The following DPP10 variants were observed in gnomAD, a reference collection of about 807,000 sequenced individuals.
The protein encoded by DPP10 is dipeptidyl peptidase like 10.
DPP10 carries 33 observed loss-of-function variants against 120.9 expected under a neutral mutation model. The observed-to-expected ratio is 0.27, with a 90% confidence interval of 0.21 to 0.37. The LOEUF (loss-of-function observed/expected upper bound fraction) is 0.37, where lower values mean the gene tolerates loss of function less well. Ranked by LOEUF, DPP10 falls within the 10% of genes least tolerant of loss-of-function variation. DPP10 has a pLI of 1.00. For synonymous variants in DPP10, 337 were observed against 326.1 expected, an observed-to-expected ratio of 1.03 and a Z score of -0.36; for missense variants, 816 against 942.8, an observed-to-expected ratio of 0.87 and a Z score of 1.76.
intron 1 of DPP10, among the ~76,000 whole-genome samples, chr2:114,844,368 C>T (rs992687970): frequency 7.9e-5 from 12 of 151,492 alleles, no homozygotes; most frequent in African/African-American, 2.9e-4. Flanking sequence ...TCTTCTGATG[C>T]TTACTTTTTT....
chr2:114,885,077 T>A (rs1397202399), intron 1 of DPP10, among the ~76,000 whole-genome samples: 2 of 152,250 alleles, frequency 1.3e-5, no homozygotes, highest in East Asian at 3.9e-4. Context: ...GTTCTCACAC[T>A]GCTCCAAAGA....
At chr2:114,913,796 C>A (rs1006289175) in intron 1 of DPP10, among the ~76,000 whole-genome samples, 1 of 152,088 alleles carries the variant, frequency 6.6e-6, no homozygotes, top group African/African-American at 2.4e-5. Flanking sequence ...AGAAATGAAA[C>A]CCAATCCAAG....
chr2:115,435,576 G>A (rs1443432599), intron 3 of DPP10, among the ~76,000 whole-genome samples: 10 of 151,718 alleles, frequency 6.6e-5, no homozygotes, highest in Admixed American at 5.9e-4. Context: ...AGTTGTTTGA[G>A]TTCCTTATAT....
intron 19 of DPP10, among the ~76,000 whole-genome samples, chr2:115,805,475 C>G (rs1459071652): frequency 6.6e-6 from 1 of 152,058 alleles, no homozygotes; most frequent in Non-Finnish European, 1.5e-5. Flanking sequence ...TGAGATGAAC[C>G]CAGTACCTCA....
intron 1 of DPP10, among the ~76,000 whole-genome samples, chr2:115,198,441 ATATT>A (rs2055446778): frequency 6.6e-6 from 1 of 152,146 alleles, no homozygotes; most frequent in Non-Finnish European, 1.5e-5. Context: ...TATCTGAAAA[ATATT>A]TACCCTTTAA....
intron 1 of DPP10, among the ~76,000 whole-genome samples, chr2:115,037,610 T>C (rs1704319061): frequency 6.6e-6 from 1 of 152,198 alleles, no homozygotes; most frequent in Non-Finnish European, 1.5e-5. Flanking sequence ...TTGTTAATAA[T>C]GCAGGCACCT....
intron 1 of DPP10, among the ~76,000 whole-genome samples, chr2:114,544,006 T>C (rs565308696): frequency 2.6e-5 from 4 of 152,070 alleles, no homozygotes; most frequent in Admixed American, 2.6e-4. Context: ...TTCTAGATGT[T>C]AGGTATATAT....
chr2:114,801,119 C>G (rs545938626), intron 1 of DPP10, among the ~76,000 whole-genome samples: 41 of 151,418 alleles, frequency 2.7e-4, no homozygotes, highest in Non-Finnish European at 4.7e-4. Context: ...AAAAATTAGC[C>G]GGGTGTGGTG....
At chr2:115,234,635 C>T (rs148792068) in intron 1 of DPP10, 166 of 152,254 alleles carry the variant, frequency 1.1e-3, no homozygotes, top group African/African-American at 3.8e-3. Flanking sequence ...ACACTGGATT[C>T]GCAGGTAGCT....
At chr2:114,716,027 A>C (rs1257883582) in intron 1 of DPP10, among the ~76,000 whole-genome samples, 1 of 151,990 alleles carries the variant, frequency 6.6e-6, no homozygotes, top group Non-Finnish European at 1.5e-5. Flanking sequence ...ATATTAGCAA[A>C]ATTTCTAAAG....
At chr2:115,343,330 G>A (rs1017533364) in intron 2 of DPP10, among the ~76,000 whole-genome samples, 17 of 152,106 alleles carry the variant, frequency 1.1e-4, no homozygotes, top group African/African-American at 4.1e-4. Context: ...TTTGGTGGAA[G>A]TAGGTAATTA....
chr2:115,411,868 G>A (rs1292811054), intron 3 of DPP10, among the ~76,000 whole-genome samples: 1 of 152,096 alleles, frequency 6.6e-6, no homozygotes, highest in Admixed American at 6.6e-5. Context: ...GTGTGGGGGT[G>A]GATGGTTTTG....
chr2:114,822,698 T>C (rs1430889589), intron 1 of DPP10, among the ~76,000 whole-genome samples: 1 of 152,108 alleles, frequency 6.6e-6, no homozygotes, highest in Non-Finnish European at 1.5e-5. Flanking sequence ...CATGTTATGC[T>C]CTGCTTCCTC....
At chr2:115,795,522 C>A (rs1325612532) in intron 19 of DPP10, among the ~76,000 whole-genome samples, 6 of 152,112 alleles carry the variant, frequency 3.9e-5, no homozygotes, top group Non-Finnish European at 5.9e-5. Flanking sequence ...CCTCTGTCAG[C>A]CTATGGATCA....
chr2:114,820,575 C>CT (rs1325554677), intron 1 of DPP10, among the ~76,000 whole-genome samples: 1 of 152,132 alleles, frequency 6.6e-6, no homozygotes, highest in African/African-American at 2.4e-5. Flanking sequence ...TGCAGCATGG[C>CT]TGGGGAGGCC....
intron 3 of DPP10, among the ~76,000 whole-genome samples, chr2:115,424,134 A>T (rs1422755428): frequency 6.6e-6 from 1 of 152,148 alleles, no homozygotes; most frequent in Non-Finnish European, 1.5e-5. Context: ...ATGACAAGAA[A>T]TACCCCTTAC....
chr2:114,667,322 T>A (rs1698001526), intron 1 of DPP10, among the ~76,000 whole-genome samples: 1 of 152,220 alleles, frequency 6.6e-6, no homozygotes, highest in South Asian at 2.1e-4. Context: ...AAGTTATTCG[T>A]GAATTATTAG....
intron 1 of DPP10, among the ~76,000 whole-genome samples, chr2:114,819,773 C>T (rs1257407231): frequency 6.6e-6 from 1 of 152,184 alleles, no homozygotes; most frequent in East Asian, 1.9e-4. Context: ...TGCTCTCCTC[C>T]TGGGTATCTA....
At chr2:114,999,974 T>C (rs1701334464) in intron 1 of DPP10, among the ~76,000 whole-genome samples, 1 of 151,938 alleles carries the variant, frequency 6.6e-6, no homozygotes, top group Non-Finnish European at 1.5e-5. Context: ...TATGTACACA[T>C]GCATGTGTAT....
Sources: allele counts gnomAD v4.1 joint callset (sites outside exome capture counted in the v4.1 genomes callset), GRCh38; gene constraint gnomAD v4.1.1; transcripts MANE v1.5; gene names NCBI Gene and HGNC (gene_info 2026-07-23, HGNC 2026-07-21).